TNNI3K: variants seen among roughly 807,000 people sequenced by gnomAD.
TNNI3K encodes the protein serine/threonine-protein kinase TNNI3K.
A neutral mutation model predicts 114.5 loss-of-function variants in TNNI3K; 140 were observed. The ratio of observed to expected loss-of-function variants is 1.22; its 90% CI spans 1.07 to 1.41. TNNI3K has a LOEUF of 1.41. Among genes scored for constraint, TNNI3K ranks in the 40% most tolerant of loss-of-function variants. The pLI, the probability that TNNI3K is intolerant of heterozygous loss-of-function variation, is 0.00. For missense variants in TNNI3K, 1,125 were observed against 1,007.6 expected (o/e 1.12, Z -1.58); for synonymous variants, 347 against 347.5 (o/e 1.00, Z 0.02).
At chr1:74,456,613 C>T (rs1230666453) in intron 20 of TNNI3K, among the ~76,000 whole-genome samples, 2 of 152,142 alleles carry the variant, frequency 1.3e-5, no homozygotes, top group African/African-American at 4.8e-5. Flanking sequence ...ATTTGTGGAT[C>T]ACTTTCAAAT....
intron 17 of TNNI3K, among the ~76,000 whole-genome samples, chr1:74,390,801 G>C: frequency 6.6e-6 from 1 of 152,156 alleles, no homozygotes; most frequent in South Asian, 2.1e-4. Flanking sequence ...TTTGATTGTT[G>C]GTTATGAAAG....
At chr1:74,513,292 C>T (rs939169821) in intron 23 of TNNI3K, among the ~76,000 whole-genome samples, 4 of 152,136 alleles carry the variant, frequency 2.6e-5, no homozygotes, top group East Asian at 1.9e-4. Context: ...TACTGAGTCC[C>T]TGTCCTTTCA....
intron 23 of TNNI3K, among the ~76,000 whole-genome samples, chr1:74,532,897 C>T (rs1275141207): frequency 1.3e-5 from 2 of 152,110 alleles, no homozygotes; most frequent in African/African-American, 2.4e-5. Flanking sequence ...TTCCTCACAC[C>T]TGATACAAAA....
At chr1:74,508,371 C>G (rs1269339614) in intron 23 of TNNI3K, among the ~76,000 whole-genome samples, 2 of 152,164 alleles carry the variant, frequency 1.3e-5, no homozygotes, top group South Asian at 2.1e-4. Context: ...AATGTGTTAT[C>G]TCATTTAATC....
In TNNI3K at chr1:74,461,904, G is replaced by T. The variant is rs45488091; in HGVS notation, c.2012-1537G>T. Among the ~76,000 whole-genome samples, 751 of 152,242 alleles carry T rather than the reference G, an allele frequency of 4.9e-3. 5 individuals are homozygous for T. Among genetic ancestry groups the T allele is most frequent in the African/African-American group, 0.017 (706 of 41,560 alleles). On this transcript the variant is annotated intron_variant, in intron 20 of 24. Coordinates refer to ENST00000326637, the MANE Select transcript of TNNI3K (RefSeq NM_015978.3). ...TTGGAAAAACCTAAAATTCGGAAAT[G>T]ATTAAAAACTAAATGCAGAGTCATT...
rs1661482248 is a variant in TNNI3K, at chr1:74,353,352, G to A, written c.1019G>A (p.Gly340Glu). The A allele has an allele frequency of 6.2e-7, 1 of 1,613,566 alleles. No individual in the cohort carries two copies. The highest frequency in any genetic ancestry group is 1.3e-5 in the African/African-American group (1 of 74,802). The change falls in exon 10 of 25, where the codon GGG (glycine) becomes GAG (glutamate). Residue 340 changes from glycine (G) to glutamate (E), a missense_variant. By Grantham distance (98) the Gly-to-Glu change is moderately conservative. Coordinates refer to ENST00000326637, the MANE Select transcript of TNNI3K (RefSeq NM_015978.3). ...AACATCAACCACCAAGGAAGGGATG[G>A]GCACACTGGTAAGACTGTGGTGAAA... ...VININHQGRD[G>E]HTGLHSACYH...
At chr1:74,510,525 G>GA (rs1670134539) in intron 23 of TNNI3K, among the ~76,000 whole-genome samples, 2 of 151,760 alleles carry the variant, frequency 1.3e-5, no homozygotes, top group South Asian at 4.2e-4. Context: ...AATAAAATGA[G>GA]AAAAAAATTA....
At chr1:74,511,131 T>C (rs1670194737) in intron 23 of TNNI3K, among the ~76,000 whole-genome samples, 1 of 151,846 alleles carries the variant, frequency 6.6e-6, no homozygotes, top group South Asian at 2.1e-4. Flanking sequence ...TCACCTCAGG[T>C]GATCCATCCG....
chr1:74,442,836 A>G (rs1232927203), intron 20 of TNNI3K, among the ~76,000 whole-genome samples: 1 of 151,718 alleles, frequency 6.6e-6, no homozygotes, highest in Non-Finnish European at 1.5e-5. Flanking sequence ...GCACAATCAA[A>G]TTAGAATTTA....
At chr1:74,392,163 A>G (rs1376048824) in intron 17 of TNNI3K, among the ~76,000 whole-genome samples, 1 of 152,010 alleles carries the variant, frequency 6.6e-6, no homozygotes, top group Non-Finnish European at 1.5e-5. Flanking sequence ...ACTTATAATA[A>G]GTCTGTCATA....
At chr1:74,497,933 G>A (rs142656308) in intron 23 of TNNI3K, among the ~76,000 whole-genome samples, 20 of 152,120 alleles carry the variant, frequency 1.3e-4, no homozygotes, top group Admixed American at 3.9e-4. Flanking sequence ...TGATACTGTC[G>A]CTCTCTCTCT....
At chr1:74,399,710 A>G (rs1422966274) in intron 17 of TNNI3K, among the ~76,000 whole-genome samples, 1 of 152,210 alleles carries the variant, frequency 6.6e-6, no homozygotes, top group Admixed American at 6.5e-5. Flanking sequence ...AGGAAAACCC[A>G]GAAGGAAGCT....
intron 3 of TNNI3K, among the ~76,000 whole-genome samples, chr1:74,249,803 T>C (rs1466078763): frequency 6.6e-6 from 1 of 152,144 alleles, no homozygotes; most frequent in Non-Finnish European, 1.5e-5. Context: ...CAAAAAGCAC[T>C]TTTCAATATT....
At chr1:74,428,795 CATG>C (rs1403209116) in intron 17 of TNNI3K, among the ~76,000 whole-genome samples, 5 of 151,974 alleles carry the variant, frequency 3.3e-5, no homozygotes, top group African/African-American at 1.2e-4. Context: ...ATTAGCCAAA[CATG>C]GTGGTGTGTG....
At chr1:74,536,868 G>A (rs1646666394) in intron 23 of TNNI3K, among the ~76,000 whole-genome samples, 1 of 152,076 alleles carries the variant, frequency 6.6e-6, no homozygotes, top group South Asian at 2.1e-4. Flanking sequence ...TATTTTCACT[G>A]ACCACAATTT....
At chr1:74,500,160 CTTTAT>C (rs1340522378) in intron 23 of TNNI3K, among the ~76,000 whole-genome samples, 4 of 151,916 alleles carry the variant, frequency 2.6e-5, no homozygotes, top group Admixed American at 2.0e-4. Context: ...TATAATACCT[CTTTAT>C]TTTAATTTCC....
At chr1:74,379,514 A>G (rs1300066953) in intron 17 of TNNI3K, among the ~76,000 whole-genome samples, 1 of 152,104 alleles carries the variant, frequency 6.6e-6, no homozygotes, top group Non-Finnish European at 1.5e-5. Flanking sequence ...GTGTCCAGTC[A>G]TAATTTCTAT....
intron 17 of TNNI3K, among the ~76,000 whole-genome samples, chr1:74,391,088 A>G (rs1663744073): frequency 6.6e-6 from 1 of 152,144 alleles, no homozygotes. Context: ...TTGAGCTGAA[A>G]TCTTACTTTG....
intron 23 of TNNI3K, among the ~76,000 whole-genome samples, chr1:74,498,652 A>G (rs1669456699): frequency 6.6e-6 from 1 of 152,166 alleles, no homozygotes; most frequent in Non-Finnish European, 1.5e-5. Context: ...TTTGACTCCT[A>G]CATTCCTGTC....
Sources: gnomAD v4.1 joint callset for allele counts (sites outside exome capture counted in the v4.1 genomes callset) on GRCh38, gnomAD v4.1.1 for gene constraint, MANE v1.5 for transcripts, NCBI Gene and HGNC (gene_info 2026-07-23, HGNC 2026-07-21) for gene names.